Variants in BLTP1 observed in about 807,000 individuals in gnomAD.
The protein encoded by BLTP1 is bridge-like lipid transfer protein family member 1.
the BLTP1 span, chr4:122,336,651 T>G: frequency 1.0e-6 from 1 of 979,446 alleles, no homozygotes; most frequent in East Asian, 1.1e-4. Flanking sequence ...GGCAAGGATA[T>G]AATCACTAGT....
At chr4:122,305,939 A>C in the BLTP1 span, 1 of 1,612,050 alleles carries the variant, frequency 6.2e-7, no homozygotes, top group Non-Finnish European at 8.5e-7. Flanking sequence ...GAATTGGATT[A>C]AGAAATGCCC....
the BLTP1 span, among the ~76,000 whole-genome samples, chr4:122,159,907 G>C: frequency 6.6e-6 from 1 of 152,224 alleles, no homozygotes; most frequent in African/African-American, 2.4e-5. Context: ...TTTAGAACTA[G>C]TTAACAGGTG....
chr4:122,237,403 G>T, the BLTP1 span: 28 of 964,304 alleles, frequency 2.9e-5, no homozygotes, highest in Non-Finnish European at 3.5e-5. Context: ...ATCATGTATT[G>T]AGTGCCTTCT....
chr4:122,336,821 C>A, the BLTP1 span: 39 of 1,510,608 alleles, frequency 2.6e-5, no homozygotes, highest in Non-Finnish European at 3.5e-5. Context: ...CAATAAGGAT[C>A]TTTTAATAAA....
chr4:122,181,110 TA>T, the BLTP1 span: 1 of 186,796 alleles, frequency 5.4e-6, no homozygotes, highest in Non-Finnish European at 1.0e-5. Flanking sequence ...GTCTTTATCC[TA>T]AAAACAAAAT....
the BLTP1 span, chr4:122,224,608 T>C: frequency 1.5e-5 from 25 of 1,613,972 alleles, no homozygotes; most frequent in South Asian, 2.7e-4. Flanking sequence ...TGGGAAGCGA[T>C]TCCTTAGAAT....
the BLTP1 span, among the ~76,000 whole-genome samples, chr4:122,159,571 A>G: frequency 6.6e-6 from 1 of 152,082 alleles, no homozygotes; most frequent in African/African-American, 2.4e-5. Flanking sequence ...TTGTTGTTGA[A>G]TTGATTTTTT....
At chr4:122,317,649 T>TA in the BLTP1 span, among the ~76,000 whole-genome samples, 1 of 151,884 alleles carries the variant, frequency 6.6e-6, no homozygotes, top group Non-Finnish European at 1.5e-5. Flanking sequence ...TTTTTTTTTT[T>TA]AAACAATCAA....
the BLTP1 span, among the ~76,000 whole-genome samples, chr4:122,255,681 G>A: frequency 6.6e-6 from 1 of 152,100 alleles, no homozygotes; most frequent in Non-Finnish European, 1.5e-5. Context: ...CAAGTCTATA[G>A]ACAAAGAGTG....
chr4:122,270,069 T>C, the BLTP1 span, among the ~76,000 whole-genome samples: 1 of 152,206 alleles, frequency 6.6e-6, no homozygotes, highest in African/African-American at 2.4e-5. Context: ...GTTCTAATTC[T>C]CAAAATCAAG....
chr4:122,154,674 C>T, the BLTP1 span, among the ~76,000 whole-genome samples: 10 of 152,126 alleles, frequency 6.6e-5, no homozygotes, highest in Non-Finnish European at 1.3e-4. Context: ...GAGATCGAGA[C>T]CATCCTGGCT....
chr4:122,243,966 G>A, the BLTP1 span: 1 of 1,611,778 alleles, frequency 6.2e-7, no homozygotes, highest in Non-Finnish European at 8.5e-7. Context: ...AACAGCCATA[G>A]TTGAAGTAAA....
the BLTP1 span, among the ~76,000 whole-genome samples, chr4:122,166,701 C>T: frequency 2.0e-5 from 3 of 152,150 alleles, no homozygotes; most frequent in Non-Finnish European, 4.4e-5. Flanking sequence ...TCTTCCTACC[C>T]ATGAGCATGG....
At chr4:122,156,190 A>G in the BLTP1 span, 1 of 153,312 alleles carries the variant, frequency 6.5e-6, no homozygotes, top group Admixed American at 6.5e-5. Flanking sequence ...AGTTGTATAT[A>G]TGGATCTGAA....
chr4:122,253,051 G>A, the BLTP1 span, among the ~76,000 whole-genome samples: 1 of 152,196 alleles, frequency 6.6e-6, no homozygotes, highest in Admixed American at 6.5e-5. Flanking sequence ...GACCACCAAG[G>A]TGGTACCTCT....
At chr4:122,359,864 G>A in the BLTP1 span, 101 of 1,367,326 alleles carry the variant, frequency 7.4e-5, no homozygotes, top group African/African-American at 1.4e-3. Context: ...TCTGTGTGCT[G>A]TCTTTGCTGC....
the BLTP1 span, chr4:122,344,985 A>T: frequency 2.0e-6 from 2 of 984,836 alleles, no homozygotes; most frequent in Non-Finnish European, 2.4e-6. Context: ...CATCTATATA[A>T]CTATGGGCAA....
At chr4:122,267,051 A>ATTTTTTATTTTTTTTTTT in the BLTP1 span, 1 of 138,564 alleles carries the variant, frequency 7.2e-6, no homozygotes, top group African/African-American at 7.0e-5. Flanking sequence ...TAAGGAAGTA[A>ATTTTTTATTTTTTTTTTT]TTTTTTTTTT....
the BLTP1 span, chr4:122,289,892 T>C: frequency 7.8e-6 from 5 of 640,682 alleles, no homozygotes; most frequent in Non-Finnish European, 9.7e-6. Context: ...AAGAACAGGG[T>C]GCTATGAGTC....
Sources: gnomAD v4.1 joint callset for allele counts (sites outside exome capture counted in the v4.1 genomes callset) on GRCh38, gnomAD v4.1.1 for gene constraint, MANE v1.5 for transcripts, NCBI Gene and HGNC (gene_info 2026-07-23, HGNC 2026-07-21) for gene names.